The following KCNQ5 variants were observed in gnomAD, a reference collection of about 807,000 sequenced individuals.
KCNQ5 encodes potassium voltage-gated channel subfamily Q member 5.
Under a neutral mutation model 98.2 loss-of-function variants are expected in KCNQ5, and 30 were observed. The ratio of observed to expected loss-of-function variants is 0.31; its 90% CI spans 0.23 to 0.41. The LOEUF is 0.41. KCNQ5 is among the 10% of genes least tolerant of loss of function. KCNQ5 has a pLI of 1.00. For missense variants in KCNQ5, 835 were observed against 1,182.5 expected (o/e 0.71, Z 4.31); for synonymous variants, 458 against 449.4 (o/e 1.02, Z -0.24).
chr6:73,134,771 C>G (rs1028614023), intron 10 of KCNQ5: 1 of 152,338 alleles, frequency 6.6e-6, no homozygotes, highest in African/African-American at 2.4e-5. Context: ...GACGGCTGAT[C>G]CTGCCATGCT....
At chr6:72,653,784 G>A (rs374357036) in intron 1 of KCNQ5, among the ~76,000 whole-genome samples, 1 of 151,884 alleles carries the variant, frequency 6.6e-6, no homozygotes. Context: ...ACTGTTCTAG[G>A]AGAAAAATTA....
At chr6:73,101,023 A>T (rs1018911639) in intron 5 of KCNQ5, among the ~76,000 whole-genome samples, 1 of 152,182 alleles carries the variant, frequency 6.6e-6, no homozygotes, top group Non-Finnish European at 1.5e-5. Context: ...AAAACCTGAA[A>T]CCTGATGGCT....
chr6:73,130,098 C>T (rs1029444086), intron 9 of KCNQ5, among the ~76,000 whole-genome samples: 2 of 152,358 alleles, frequency 1.3e-5, no homozygotes, highest in African/African-American at 4.8e-5. Context: ...TTGGCGCCTC[C>T]TTGTGGTTGG....
At chr6:72,883,174 C>G (rs540615419) in intron 1 of KCNQ5, among the ~76,000 whole-genome samples, 3 of 152,152 alleles carry the variant, frequency 2.0e-5, no homozygotes, top group Non-Finnish European at 4.4e-5. Context: ...AAAATAAGAA[C>G]AGTACCCATG....
intron 1 of KCNQ5, among the ~76,000 whole-genome samples, chr6:72,637,447 A>G (rs1482536901): frequency 6.6e-6 from 1 of 152,048 alleles, no homozygotes; most frequent in Non-Finnish European, 1.5e-5. Flanking sequence ...CACTTTGGAA[A>G]CACTTCTTCC....
chr6:72,924,342 A>G (rs1021881563), intron 1 of KCNQ5, among the ~76,000 whole-genome samples: 2 of 152,208 alleles, frequency 1.3e-5, no homozygotes, highest in African/African-American at 4.8e-5. Flanking sequence ...ATTTTTCTGA[A>G]CAGAAATTAA....
chr6:73,000,021 G>A (rs1769485204), intron 1 of KCNQ5, among the ~76,000 whole-genome samples: 2 of 151,994 alleles, frequency 1.3e-5, no homozygotes, highest in South Asian at 2.1e-4. Flanking sequence ...ATCCCCTGGA[G>A]GACCGTGGAC....
At chr6:72,716,904 T>C (rs889755962) in intron 1 of KCNQ5, among the ~76,000 whole-genome samples, 1 of 152,204 alleles carries the variant, frequency 6.6e-6, no homozygotes, top group African/African-American at 2.4e-5. Flanking sequence ...AATTCAGTTA[T>C]GCATTTGATC....
chr6:72,732,207 G>A (rs1313670038), intron 1 of KCNQ5, among the ~76,000 whole-genome samples: 1 of 152,146 alleles, frequency 6.6e-6, no homozygotes, highest in Non-Finnish European at 1.5e-5. Context: ...TAGATACAGA[G>A]ATACTTCTAG....
intron 2 of KCNQ5, among the ~76,000 whole-genome samples, chr6:73,033,451 C>A (rs1482524170): frequency 6.6e-6 from 1 of 152,112 alleles, no homozygotes; most frequent in African/African-American, 2.4e-5. Flanking sequence ...GTGTGAAAAA[C>A]TTGAATGGAT....
At chr6:72,875,089 T>G (rs1778357015) in intron 1 of KCNQ5, among the ~76,000 whole-genome samples, 1 of 152,178 alleles carries the variant, frequency 6.6e-6, no homozygotes, top group African/African-American at 2.4e-5. Flanking sequence ...AAAAGCAGCC[T>G]GAAGGCATTT....
chr6:72,983,516 C>A (rs1014735358), intron 1 of KCNQ5, among the ~76,000 whole-genome samples: 3 of 152,156 alleles, frequency 2.0e-5, no homozygotes, highest in Non-Finnish European at 4.4e-5. Context: ...TGGTTTTCAG[C>A]TCCATCAGGT....
chr6:73,060,983 C>T (rs1005798398), intron 3 of KCNQ5, among the ~76,000 whole-genome samples: 2 of 152,064 alleles, frequency 1.3e-5, no homozygotes, highest in African/African-American at 2.4e-5. Flanking sequence ...ACTCTTTGAC[C>T]CAGGAAGTCT....
chr6:72,746,184 T>G (rs980341664), intron 1 of KCNQ5, among the ~76,000 whole-genome samples: 3 of 150,030 alleles, frequency 2.0e-5, no homozygotes, highest in African/African-American at 7.5e-5. Flanking sequence ...AACAATGGCA[T>G]TATTGAAACT....
At chr6:72,858,557 T>A (rs1255571669) in intron 1 of KCNQ5, among the ~76,000 whole-genome samples, 1 of 151,912 alleles carries the variant, frequency 6.6e-6, no homozygotes, top group Non-Finnish European at 1.5e-5. Context: ...TGATTTTTTT[T>A]AACATTGTTG....
At chr6:72,822,137 G>A (rs1775788372) in intron 1 of KCNQ5, among the ~76,000 whole-genome samples, 1 of 152,110 alleles carries the variant, frequency 6.6e-6, no homozygotes, top group African/African-American at 2.4e-5. Flanking sequence ...GGAGGGGCCT[G>A]GATCTCTAGT....
chr6:73,038,468 T>A (rs1278369049), intron 2 of KCNQ5, among the ~76,000 whole-genome samples: 4 of 152,232 alleles, frequency 2.6e-5, no homozygotes, highest in Middle Eastern at 3.4e-3. Context: ...GGGAAAAGCA[T>A]TCAGTCTTTC....
intron 2 of KCNQ5, among the ~76,000 whole-genome samples, chr6:73,011,787 A>G (rs1318969674): frequency 6.6e-6 from 1 of 152,098 alleles, no homozygotes; most frequent in Non-Finnish European, 1.5e-5. Flanking sequence ...AAACAACCTA[A>G]TTCAAAAAAT....
At chr6:72,656,510 A>G (rs1221095292) in intron 1 of KCNQ5, among the ~76,000 whole-genome samples, 2 of 152,210 alleles carry the variant, frequency 1.3e-5, no homozygotes, top group African/African-American at 4.8e-5. Flanking sequence ...TATTCTTATC[A>G]CATTGTCTAT....
Sources: allele counts gnomAD v4.1 joint callset (sites outside exome capture counted in the v4.1 genomes callset), GRCh38; gene constraint gnomAD v4.1.1; transcripts MANE v1.5; gene names NCBI Gene and HGNC (gene_info 2026-07-23, HGNC 2026-07-21).